Variants in PCDHA1 observed in about 807,000 individuals in gnomAD.
PCDHA1 encodes the protein protocadherin alpha-1.
In PCDHA1, 42 loss-of-function variants were observed where a neutral mutation model predicts 61.3. The ratio of observed to expected loss-of-function variants is 0.69; its 90% CI spans 0.54 to 0.89. The LOEUF (loss-of-function observed/expected upper bound fraction) is 0.89. Among genes scored for constraint, PCDHA1 ranks in the 40% least tolerant of loss-of-function variants. The pLI, the probability that PCDHA1 is intolerant of heterozygous loss-of-function variation, is 0.00. For synonymous variants in PCDHA1, 610 were observed against 553.8 expected (o/e 1.10, Z -1.43); for missense variants, 1,256 against 1,235.3 (o/e 1.02, Z -0.25).
At chr5:140,834,097 A>C (rs905857703) in intron 1 of PCDHA1, among the ~76,000 whole-genome samples, 1 of 152,208 alleles carries the variant, frequency 6.6e-6, no homozygotes, top group Non-Finnish European at 1.5e-5. Flanking sequence ...AACAATGAAG[A>C]AAAAAATTCA....
intron 1 of PCDHA1, among the ~76,000 whole-genome samples, chr5:140,969,822 G>C (rs559271640): frequency 2.0e-5 from 3 of 152,202 alleles, no homozygotes; most frequent in Non-Finnish European, 4.4e-5. Context: ...ACTCTGGACT[G>C]TCTACAGTGG....
At chr5:140,873,076 AT>A (rs2054077114) in intron 1 of PCDHA1, among the ~76,000 whole-genome samples, 1 of 152,056 alleles carries the variant, frequency 6.6e-6, no homozygotes, top group South Asian at 2.1e-4. Flanking sequence ...ATATCTAGCT[AT>A]TTCCCCCCCG....
At chr5:140,829,130 G>C (rs2150162751) in intron 1 of PCDHA1, 2 of 1,612,558 alleles carry the variant, frequency 1.2e-6, no homozygotes, top group Admixed American at 3.3e-5. Flanking sequence ...AAATGATAAC[G>C]TCCCTGAGAT....
intron 1 of PCDHA1, among the ~76,000 whole-genome samples, chr5:140,958,658 A>T (rs1207660771): frequency 6.6e-6 from 1 of 152,174 alleles, no homozygotes; most frequent in African/African-American, 2.4e-5. Flanking sequence ...GAAAGCTATG[A>T]TGAAATTTTA....
At chr5:140,808,700 T>A in intron 1 of PCDHA1, 1 of 1,612,106 alleles carries the variant, frequency 6.2e-7, no homozygotes, top group Non-Finnish European at 8.5e-7. Flanking sequence ...GCGCGCGCTG[T>A]CGAGCTACGT....
At chr5:140,978,570 G>A (rs151127662) in intron 1 of PCDHA1, among the ~76,000 whole-genome samples, 216 of 152,314 alleles carry the variant, frequency 1.4e-3, no homozygotes, top group African/African-American at 4.9e-3. Flanking sequence ...CTGTAATACT[G>A]AATTGGGAAT....
rs150829264 is a variant in PCDHA1 at position 140,948,791 on chromosome 5, A to G, written c.2395-30158A>G. 2.3e-3 allele frequency among the ~76,000 whole-genome samples: 342 copies of G among 151,342 alleles called. 1 individual carries two copies. Among genetic ancestry groups the G allele is most frequent in the Non-Finnish European group, 4.4e-3 (295 of 67,454 alleles). ...ATAGCCAGCTTTTGGCTTTGTTGAT[A>G]TATTTTCTATTGTTTGGTTTCTATT... On this transcript the variant is annotated intron_variant, in intron 1 of 3. Coordinates refer to ENST00000504120, the MANE Select transcript of PCDHA1 (RefSeq NM_018900.4).
At chr5:140,982,211 A>G (rs1554243869) in intron 2 of PCDHA1, 1 of 476,036 alleles carries the variant, frequency 2.1e-6, no homozygotes, top group African/African-American at 2.0e-5. Flanking sequence ...AGTGAGCGCC[A>G]CATGGCGTTA....
intron 1 of PCDHA1, chr5:140,802,111 AG>A: frequency 1.2e-6 from 2 of 1,614,222 alleles, no homozygotes; most frequent in South Asian, 2.2e-5. Context: ...ATCAGTGTAA[AG>A]GGTAACATAG....
At chr5:140,841,793 T>C in intron 1 of PCDHA1, 1 of 1,613,848 alleles carries the variant, frequency 6.2e-7, no homozygotes, top group Non-Finnish European at 8.5e-7. Context: ...AGAGGGCGCG[T>C]CCGATGCAGA....
rs1354913404 is a variant in PCDHA1 at position 140,858,709 on chromosome 5, A to G, written c.2394+70025A>G. 5 of 545,256 alleles carry G rather than the reference A, an allele frequency of 9.2e-6. 1 individual carries two copies. The African/African-American group carries it at 9.7e-5, about 11-fold the overall frequency. The allele number at this position is 545,256 out of a possible 1,614,324, so 33.8% of individuals were successfully genotyped here. A position where few individuals can be genotyped will look rare whatever the true frequency, so the allele number is the denominator to read the frequency against. ...ATATTTTCCAATACAAATATGTGATATAGGTTGCAGTTCTGACGATTTACT... is the reference window on the plus strand; with the variant it reads ...ATATTTTCCAATACAAATATGTGATGTAGGTTGCAGTTCTGACGATTTACT... On this transcript the variant is annotated intron_variant, in intron 1 of 3. Transcript: ENST00000504120.
intron 1 of PCDHA1, chr5:140,822,714 C>T (rs1554128827): frequency 1.2e-6 from 2 of 1,610,828 alleles, no homozygotes; most frequent in Non-Finnish European, 1.7e-6. Context: ...AAGACTATAA[C>T]TCATATGAAA....
At chr5:140,849,688 T>C in intron 1 of PCDHA1, 3 of 1,598,706 alleles carry the variant, frequency 1.9e-6, no homozygotes, top group Non-Finnish European at 2.6e-6. Flanking sequence ...TTCAAGCTGG[T>C]GTCCACCTAC....
At chr5:140,893,219 G>C (rs1273209081) in intron 1 of PCDHA1, among the ~76,000 whole-genome samples, 1 of 152,194 alleles carries the variant, frequency 6.6e-6, no homozygotes, top group Non-Finnish European at 1.5e-5. Flanking sequence ...GGAGGTGCAG[G>C]TATCACTTTG....
At chr5:140,939,593 T>C (rs1554212802) in intron 1 of PCDHA1, among the ~76,000 whole-genome samples, 1 of 152,198 alleles carries the variant, frequency 6.6e-6, no homozygotes, top group African/African-American at 2.4e-5. Flanking sequence ...TAACATACCT[T>C]GCTCAAAAAC....
intron 1 of PCDHA1, among the ~76,000 whole-genome samples, chr5:140,935,064 T>C (rs782620164): frequency 5.9e-5 from 9 of 152,252 alleles, no homozygotes; most frequent in Admixed American, 2.0e-4. Flanking sequence ...GATGTTCAGA[T>C]TATCTTGTAC....
chr5:140,850,049 C>G (rs2150465227), intron 1 of PCDHA1: 5 of 1,596,466 alleles, frequency 3.1e-6, no homozygotes, highest in Non-Finnish European at 3.4e-6. Flanking sequence ...GCAAGGTGTA[C>G]GCGCTGCAGC....
intron 1 of PCDHA1, chr5:140,857,098 T>G: frequency 6.3e-7 from 1 of 1,597,572 alleles, no homozygotes; most frequent in Non-Finnish European, 8.6e-7. Context: ...CTGAGGTGAT[T>G]GTCACTTCTC....
chr5:140,835,543 G>A (rs2150237824), intron 1 of PCDHA1: 1 of 1,613,934 alleles, frequency 6.2e-7, no homozygotes, highest in African/African-American at 1.3e-5. Context: ...CAGGTTACCT[G>A]CTCCCTGACG....
Sources: gnomAD v4.1 joint callset for allele counts (sites outside exome capture counted in the v4.1 genomes callset) on GRCh38, gnomAD v4.1.1 for gene constraint, MANE v1.5 for transcripts, NCBI Gene and HGNC (gene_info 2026-07-23, HGNC 2026-07-21) for gene names.